The following MSN variants were observed in gnomAD, a reference collection of about 807,000 sequenced individuals.
The protein encoded by MSN is epididymis luminal protein 70.
Under a neutral mutation model 48.0 loss-of-function variants are expected in MSN, and 2 were observed. The observed-to-expected ratio is 0.04, with a 90% CI of 0.02 to 0.13. The LOEUF is 0.13. Ranked by LOEUF, MSN falls within the 10% of genes least tolerant of loss-of-function variation. The pLI, the probability that MSN is intolerant of heterozygous loss-of-function variation, is 1.00. For missense variants in MSN, 267 were observed against 470.1 expected, an observed-to-expected ratio of 0.57 and a Z score of 3.99; for synonymous variants, 146 against 166.9, an observed-to-expected ratio of 0.87 and a Z score of 0.97.
At chrX:65,603,155 G>T (rs761781366) in intron 1 of MSN, among the ~76,000 whole-genome samples, 2 of 111,531 alleles carry the variant, frequency 1.8e-5, no homozygotes, top group South Asian at 7.5e-4. Flanking sequence ...TTATTTGGGC[G>T]AGATGGTGGG....
chrX:65,631,283 G>A (rs1303070245), intron 1 of MSN, among the ~76,000 whole-genome samples: 1 of 109,634 alleles, frequency 9.1e-6, no homozygotes, highest in Non-Finnish European at 1.9e-5. Flanking sequence ...TAGTAGAGAT[G>A]GGATTTCACC....
At chrX:65,588,737 AG>A (rs2070118362) in intron 1 of MSN, 11 of 475,903 alleles carry the variant, frequency 2.3e-5, no homozygotes, top group African/African-American at 1.8e-4. Flanking sequence ...CTCAGGGGGT[AG>A]GGGACACTGA....
chrX:65,678,828 CTTAA>C (rs991453851), intron 1 of MSN, among the ~76,000 whole-genome samples: 14 of 111,991 alleles, frequency 1.3e-4, no homozygotes, highest in Non-Finnish European at 2.4e-4. Context: ...TTTTATGAGG[CTTAA>C]TTTTCTTATC....
chrX:65,659,715 G>T (rs772861800), intron 1 of MSN, among the ~76,000 whole-genome samples: 1 of 111,511 alleles, frequency 9.0e-6, no homozygotes, highest in South Asian at 3.8e-4. Context: ...TAGCTGTACT[G>T]CTTGAAAAAG....
At chrX:65,634,462 A>C (rs2070583194) in intron 1 of MSN, among the ~76,000 whole-genome samples, 1 of 109,923 alleles carries the variant, frequency 9.1e-6, no homozygotes, top group African/African-American at 3.3e-5. Flanking sequence ...AAAATACAAA[A>C]ATTAGCTGGG....
chrX:65,657,590 T>TG (rs906775268), intron 1 of MSN, among the ~76,000 whole-genome samples: 1 of 111,328 alleles, frequency 9.0e-6, no homozygotes, highest in African/African-American at 3.3e-5. Flanking sequence ...CTCTATCAGG[T>TG]GAAAAACCAG....
At chrX:65,668,039 G>T (rs1345926012) in intron 1 of MSN, among the ~76,000 whole-genome samples, 186 bp downstream of exon 1, 1 of 112,408 alleles carries the variant, frequency 8.9e-6, no homozygotes, top group Non-Finnish European at 1.9e-5. Flanking sequence ...GGTTGAGGGG[G>T]TGTCCAGGCT....
chrX:65,588,586 T>C, exon 1 of MSN: 2 of 800,619 alleles, frequency 2.5e-6, no homozygotes, highest in Middle Eastern at 6.4e-4. Flanking sequence ...TAACTGCCAG[T>C]GTTCGTGGAC....
In MSN at chrX:65,739,906, C is replaced by A. The variant is rs1193300751; in HGVS notation, c.*13C>A. On this transcript the variant is annotated 3_prime_UTR_variant, in exon 13 of 13. Transcript: ENST00000360270. ...TGAGTCTATGTAATGGGCACCCAGC[C>A]TCTAGGGACCCCTCCTCCCTTTTTC... 5.0e-6 allele frequency: 6 copies of A among 1,196,635 alleles called. No homozygotes were observed. Among genetic ancestry groups the A allele is most frequent in the Non-Finnish European group, 6.8e-6 (6 of 888,218 alleles).
chrX:65,651,888 G>A (rs756321050), intron 1 of MSN, among the ~76,000 whole-genome samples: 52 of 106,681 alleles, frequency 4.9e-4, no homozygotes, highest in African/African-American at 1.2e-3. Context: ...GTGAGCCACC[G>A]CACCCGGCCT....
chrX:65,683,803 T>C (rs912202251), intron 1 of MSN, among the ~76,000 whole-genome samples: 12 of 111,657 alleles, frequency 1.1e-4, no homozygotes, highest in African/African-American at 3.9e-4. Flanking sequence ...AAACTAAACA[T>C]GTTTGTTGTA....
At chrX:65,629,298 C>T (rs1481899990) in intron 1 of MSN, among the ~76,000 whole-genome samples, 1 of 111,506 alleles carries the variant, frequency 9.0e-6, no homozygotes, top group Admixed American at 9.6e-5. Context: ...GAGACCACCT[C>T]AGCCTGGACC....
At chrX:65,670,865 T>G (rs1228145952) in intron 1 of MSN, among the ~76,000 whole-genome samples, 2 of 83,219 alleles carry the variant, frequency 2.4e-5, no homozygotes, top group Non-Finnish European at 4.6e-5. Flanking sequence ...GCTTATTAAT[T>G]GCCATCTACA....
intron 1 of MSN, among the ~76,000 whole-genome samples, chrX:65,697,067 A>G (rs751797428): frequency 3.4e-4 from 38 of 111,439 alleles, no homozygotes; most frequent in Admixed American, 9.5e-5. Flanking sequence ...AACCTTCAGC[A>G]CATCCACTGG....
intron 1 of MSN, among the ~76,000 whole-genome samples, chrX:65,628,681 T>A (rs1232732260): frequency 1.8e-5 from 2 of 111,915 alleles, no homozygotes; most frequent in Non-Finnish European, 1.9e-5. Context: ...GCAGCAAGCT[T>A]CAATTTGTCC....
At chrX:65,667,612 G>A (rs1602769768), upstream of MSN, 55 of 948,859 alleles carry the variant, frequency 5.8e-5, no homozygotes, top group Non-Finnish European at 7.1e-5. Context: ...GGAGCGGCGC[G>A]GAAGCCGGGC....
intron 1 of MSN, among the ~76,000 whole-genome samples, chrX:65,711,446 T>C (rs1391905700): frequency 2.7e-5 from 3 of 112,316 alleles, no homozygotes; most frequent in African/African-American, 9.7e-5. Context: ...TTCGCCCGCC[T>C]TGGCCTCCCA....
At chrX:65,629,783 G>A (rs763794647) in intron 1 of MSN, among the ~76,000 whole-genome samples, 68 of 111,649 alleles carry the variant, frequency 6.1e-4, no homozygotes, top group Non-Finnish European at 9.8e-4. Context: ...CACCCCCACC[G>A]GTCCCCACCA....
At chrX:65,630,819 C>G (rs1172479272) in intron 1 of MSN, among the ~76,000 whole-genome samples, 1 of 111,473 alleles carries the variant, frequency 9.0e-6, no homozygotes, top group Non-Finnish European at 1.9e-5. Context: ...TGGTTCATAT[C>G]ATATCATGTG....
Sources: allele counts gnomAD v4.1 joint callset (sites outside exome capture counted in the v4.1 genomes callset), GRCh38; gene constraint gnomAD v4.1.1; transcripts MANE v1.5; gene names NCBI Gene and HGNC (gene_info 2026-07-23, HGNC 2026-07-21).